Variants in MSH6 observed in about 807,000 individuals in gnomAD.
MSH6 encodes the protein mutS homolog 6, also known as DNA mismatch repair protein Msh6.
A neutral mutation model predicts 119.1 loss-of-function variants in MSH6; 85 were observed. The observed-to-expected ratio is 0.71, with a 90% CI of 0.60 to 0.85. MSH6 has a LOEUF of 0.85. Ranked by LOEUF, MSH6 falls within the 40% of genes least tolerant of loss-of-function variation. MSH6 has a pLI of 0.00. For synonymous variants in MSH6, 830 were observed against 586.9 expected, an observed-to-expected ratio of 1.41 and a Z score of -5.99; for missense variants, 2,163 against 1,655.3, an observed-to-expected ratio of 1.31 and a Z score of -5.32.
rs2104234006 is a variant in MSH6 at position 47,795,972 on chromosome 2, C to T, written c.536C>T (p.Ala179Val). 1 of 1,614,040 alleles carries T rather than the reference C, an allele frequency of 6.2e-7. No individual in the cohort carries two copies. ...GAAATACTGAGAGCAATGCAACGTG[C>T]AGATGAAGCCTTAAATAAAGACAAG... ...KPEILRAMQRADEALNKDKIK... is the reference protein window; with the variant it reads ...KPEILRAMQRVDEALNKDKIK... Residue 179 changes from alanine to valine, a missense_variant, in exon 3 of 10, where the codon GCA becomes GTA. Physicochemically the swap from Ala to Val is moderately conservative, Grantham distance 64. Transcript: ENST00000234420.
chr2:47,804,888 C>G (rs1396285734), intron 5 of MSH6, 22 bp from the exon 6 acceptor site: 1 of 1,570,896 alleles, frequency 6.4e-7, no homozygotes, highest in African/African-American at 1.4e-5. Context: ...TCATAAAAGA[C>G]CTTTTCCTCC....
rs876659904 is a variant in MSH6, at chr2:47,800,789, G to A, written c.2806G>A (p.Asp936Asn). 6.2e-7 allele frequency: 1 copy of A among 1,614,132 alleles called. No homozygotes were observed. The highest frequency in any genetic ancestry group is 8.5e-7 in the Non-Finnish European group (1 of 1,180,014). ...LITPKAGFDSDYDQALADIRE... is the reference protein window; with the variant it reads ...LITPKAGFDSNYDQALADIRE... ...TACTCCCAAAGCAGGCTTTGACTCT[G>A]ATTATGACCAAGCTCTTGCTGACAT... The change falls in exon 4 of 10, where the codon GAT (aspartate) becomes AAT (asparagine). Residue 936 changes from aspartate (D) to asparagine (N), a missense_variant. By Grantham distance (23) the Asp-to-Asn change is conservative. Coordinates refer to ENST00000234420, the MANE Select transcript of MSH6 (RefSeq NM_000179.3).
At position 47,798,701 on chromosome 2, in the gene MSH6, C is replaced by A. The variant is rs63750019; in HGVS notation, c.718C>A (p.Arg240=). 1 of 1,613,916 alleles carries A rather than the reference C, an allele frequency of 6.2e-7. No individual in the cohort carries two copies. The highest frequency in any genetic ancestry group is 8.5e-7 in the Non-Finnish European group (1 of 1,179,994). The change falls in exon 4 of 10, where the codon CGA becomes AGA. Residue 240 remains arginine, a synonymous_variant. Coordinates refer to ENST00000234420, the MANE Select transcript of MSH6 (RefSeq NM_000179.3). ...EVQPKTQGSR[R]SSRQIKKRRV... ...ACAGCCTAAGACACAAGGATCTAGGCGAAGTAGCCGCCAAATAAAAAAACG... is the reference window on the plus strand; with the variant it reads ...ACAGCCTAAGACACAAGGATCTAGGAGAAGTAGCCGCCAAATAAAAAAACG...
At chr2:47,805,810 A>T in intron 7 of MSH6, 103 bp downstream of exon 7, 1 of 950,036 alleles carries the variant, frequency 1.1e-6, no homozygotes, top group Non-Finnish European at 1.7e-6. Flanking sequence ...AAACAATATG[A>T]ATGTTTTTAG....
chr2:47,805,601 A>ATT lies in MSH6; in HGVS notation c.3557-5_3557-4dup, dbSNP rs267608102. The ATT allele has an allele frequency of 6.5e-3, 8,636 of 1,338,350 alleles. 7 individuals carry two copies. Among genetic ancestry groups the ATT allele is most frequent in the South Asian group, 0.028 (2,257 of 81,732 alleles). 82.9% of individuals were successfully genotyped at this position (1,338,350 alleles called of 1,614,324 possible). On this transcript the variant is annotated splice_polypyrimidine_tract_variant and intron_variant, in intron 6 of 9. Coordinates refer to ENST00000234420, the MANE Select transcript of MSH6 (RefSeq NM_000179.3). ...TTTGCAAAATGAGTATTCATTTGTG[A>ATT]TTTTTTTTTTTTTAAGGTGAAAGTA...
chr2:47,805,119 A>G (rs1465070603), intron 6 of MSH6, 92 bp downstream of exon 6: 4 of 875,512 alleles, frequency 4.6e-6, no homozygotes, highest in Non-Finnish European at 7.7e-6. Flanking sequence ...TTTAAATCTA[A>G]TATTTGATTT....
downstream of MSH6, chr2:47,807,374 A>AAAAC (rs1322183395): frequency 9.5e-6 from 2 of 210,042 alleles, no homozygotes; most frequent in East Asian, 1.5e-4. Context: ...AAGTCTCATT[A>AAAAC]AAACACTCAC....
chr2:47,792,362 A>G (rs747865746), intron 2 of MSH6, among the ~76,000 whole-genome samples: 1 of 152,190 alleles, frequency 6.6e-6, no homozygotes, highest in Non-Finnish European at 1.5e-5. Flanking sequence ...CATAGTGCTC[A>G]TCCTACAAAA....
In MSH6 at chr2:47,798,651, A is replaced by G. The variant is rs587779316; in HGVS notation, c.668A>G (p.Asn223Ser). 5 of 1,612,992 alleles carry G rather than the reference A, an allele frequency of 3.1e-6. No individual in the cohort carries two copies. Among genetic ancestry groups the G allele is most frequent in the Non-Finnish European group, 4.2e-6 (5 of 1,180,004 alleles). Reference protein sequence around the residue: ...TYVTDKSEEDNEIESEEEVQP... With the variant: ...TYVTDKSEEDSEIESEEEVQP... ...GTAACAGATAAGAGTGAAGAAGATA[A>G]TGAAATTGAGAGTGAAGAGGAAGTA... The change falls in exon 4 of 10, where the codon AAT becomes AGT. Residue 223 changes from asparagine (N) to serine (S), a missense_variant. Coordinates refer to ENST00000234420, the MANE Select transcript of MSH6 (RefSeq NM_000179.3).
intron 5 of MSH6, 116 bp downstream of exon 5, chr2:47,803,801 GAAGC>G: frequency 8.8e-7 from 1 of 1,138,544 alleles, no homozygotes; most frequent in Non-Finnish European, 1.3e-6. Flanking sequence ...GACTTAATAG[GAAGC>G]AAAGGGAAAT....
chr2:47,797,401 C>T (rs1157762312), intron 3 of MSH6, among the ~76,000 whole-genome samples: 1 of 152,166 alleles, frequency 6.6e-6, no homozygotes, highest in East Asian at 1.9e-4. Context: ...AACTGGATGG[C>T]AGCTACAGAG....
chr2:47,800,216 A>G lies in MSH6; in HGVS notation c.2233A>G (p.Ile745Val), dbSNP rs768731337. The G allele has an allele frequency of 6.2e-7, 1 of 1,614,070 alleles. No individual in the cohort carries two copies. Among genetic ancestry groups the G allele is most frequent in the East Asian group, 2.2e-5 (1 of 44,882 alleles). The change falls in exon 4 of 10, where the codon ATT (isoleucine) becomes GTT (valine). Residue 745 changes from isoleucine to valine, a missense_variant. Physicochemically the swap from Ile to Val is conservative, Grantham distance 29 (BLOSUM62 3). Coordinates refer to ENST00000234420, the MANE Select transcript of MSH6 (RefSeq NM_000179.3). ...LDAVTLNNLE[I>V]FLNGTNGSTE... ...TGCAGTGACATTAAACAACTTGGAG[A>G]TTTTTCTGAATGGAACAAATGGTTC...
At chr2:47,783,727 G>C (rs1334128253) in intron 1 of MSH6, 2 of 498,174 alleles carry the variant, frequency 4.0e-6, no homozygotes, top group African/African-American at 2.0e-5. Context: ...AGGGCTGCAG[G>C]GGAGACGCGG....
At position 47,795,938 on chromosome 2, in the gene MSH6, G is replaced by C. The variant is rs1333393611; in HGVS notation, c.502G>C (p.Ala168Pro). ...CCAGAAGGGAGGTCATTTTTACAGT[G>C]CAAAGCCTGAAATACTGAGAGCAAT... ...EAQKGGHFYS[A>P]KPEILRAMQR... Residue 168 changes from alanine to proline, a missense_variant, in exon 3 of 10, where the codon GCA becomes CCA. Transcript: ENST00000234420. 1.2e-6 allele frequency: 2 copies of C among 1,614,104 alleles called. No individual in the cohort carries two copies. Among genetic ancestry groups the C allele is most frequent in the East Asian group, 4.5e-5 (2 of 44,886 alleles).
chr2:47,804,298 G>C (rs1669812114), intron 5 of MSH6, among the ~76,000 whole-genome samples: 1 of 152,034 alleles, frequency 6.6e-6, no homozygotes, highest in Non-Finnish European at 1.5e-5. Flanking sequence ...AATTTTTTAT[G>C]GCATTGTATT....
chr2:47,803,973 G>T (rs780637409), intron 5 of MSH6, among the ~76,000 whole-genome samples: 1 of 152,222 alleles, frequency 6.6e-6, no homozygotes, highest in South Asian at 2.1e-4. Context: ...TATATTCATA[G>T]TGAACAAAAA....
intron 2 of MSH6, among the ~76,000 whole-genome samples, chr2:47,791,675 C>CTTT (rs575880393): frequency 4.5e-5 from 6 of 132,500 alleles, no homozygotes; most frequent in Admixed American, 1.5e-4. Flanking sequence ...CTCTTTCTTT[C>CTTT]TTTTTTTTTT....
chr2:47,806,096 G>A (rs186595078), intron 7 of MSH6, 108 bp from the exon 8 acceptor site: 7 of 1,053,084 alleles, frequency 6.6e-6, no homozygotes, highest in East Asian at 2.5e-5. Flanking sequence ...GCTTTTAGAC[G>A]TGGATGTACT....
At chr2:47,791,442 C>G (rs1668724686) in intron 2 of MSH6, among the ~76,000 whole-genome samples, 2 of 152,124 alleles carry the variant, frequency 1.3e-5, no homozygotes, top group Non-Finnish European at 1.5e-5. Flanking sequence ...CATCAGGATA[C>G]ATAGCCTATA....
Sources: gnomAD v4.1 joint callset for allele counts (sites outside exome capture counted in the v4.1 genomes callset) on GRCh38, gnomAD v4.1.1 for gene constraint, MANE v1.5 for transcripts, NCBI Gene and HGNC (gene_info 2026-07-23, HGNC 2026-07-21) for gene names.